The following ZNF462 variants were observed in gnomAD, a reference collection of about 807,000 sequenced individuals.
The protein encoded by ZNF462 is zinc finger protein 462.
ZNF462 carries 10 observed loss-of-function variants against 201.9 expected under a neutral mutation model. That is an observed-to-expected ratio of 0.05 (90% CI 0.03 to 0.08). ZNF462 has a LOEUF of 0.08. Among genes scored for constraint, ZNF462 ranks in the 10% least tolerant of loss-of-function variants. ZNF462 has a pLI of 1.00. For missense variants in ZNF462, 2,523 were observed against 3,168.3 expected (o/e 0.80, Z 4.89); for synonymous variants, 1,227 against 1,193.3 (o/e 1.03, Z -0.58).
At chr9:106,989,838 T>C (rs1371378692) in intron 10 of ZNF462, among the ~76,000 whole-genome samples, 10 of 152,186 alleles carry the variant, frequency 6.6e-5, no homozygotes, top group Admixed American at 5.9e-4. Flanking sequence ...AAGGTGTTCA[T>C]AGTAGCCTTG....
chr9:106,949,388 T>A (rs1831243845), intron 7 of ZNF462, among the ~76,000 whole-genome samples: 1 of 152,224 alleles, frequency 6.6e-6, no homozygotes, highest in South Asian at 2.1e-4. Context: ...AATTTATGTG[T>A]GAACAAGCCT....
At chr9:106,861,291 C>G (rs758329393), upstream of ZNF462, among the ~76,000 whole-genome samples, 1 of 152,004 alleles carries the variant, frequency 6.6e-6, no homozygotes. Flanking sequence ...GCCCCGCTAT[C>G]GGATGGGAAC....
At position 106,932,925 on chromosome 9, in the gene ZNF462, G is replaced by T; in HGVS notation, c.6116+376G>T. 1 of 322,850 alleles carries T rather than the reference G, an allele frequency of 3.1e-6. No homozygotes were observed. Among genetic ancestry groups the T allele is most frequent in the South Asian group, 3.4e-5 (1 of 29,666 alleles). 20.0% of individuals were successfully genotyped at this position (322,850 alleles called of 1,614,324 possible). On this transcript the variant is annotated intron_variant, in intron 5 of 12. Coordinates refer to ENST00000277225, the MANE Select transcript of ZNF462 (RefSeq NM_021224.6). This position sits in a 1 kb window ranked among gnomAD's most constrained non-coding sequence, Gnocchi z 6.8. Reference sequence around the variant, plus strand: ...TTTAGAAAACTGAGTTGCTAAAGAGGTAAAATTAGGACTATTAACCCATGT... The same window carrying T: ...TTTAGAAAACTGAGTTGCTAAAGAGTTAAAATTAGGACTATTAACCCATGT...
chr9:107,001,712 C>G (rs1348995459), intron 10 of ZNF462, among the ~76,000 whole-genome samples: 1 of 152,130 alleles, frequency 6.6e-6, no homozygotes, highest in African/African-American at 2.4e-5. Flanking sequence ...TAATTGACCT[C>G]TTTCTCCTCT....
chr9:106,974,060 G>C lies in ZNF462; in HGVS notation c.6696-77G>C. 1 of 1,587,944 alleles carries C rather than the reference G, an allele frequency of 6.3e-7. No homozygotes were observed. Among genetic ancestry groups the C allele is most frequent in the Middle Eastern group, 1.7e-4 (1 of 5,828 alleles). ...GAGCCGCACTTGGACATATATAACG[G>C]GTTTGCCAGCAGGAAATGTGAAAAT... On this transcript the variant is annotated intron_variant, in intron 8 of 12. Coordinates refer to ENST00000277225, the MANE Select transcript of ZNF462 (RefSeq NM_021224.6). This position sits in a 1 kb window ranked among gnomAD's most constrained non-coding sequence, Gnocchi z 4.0.
chr9:106,934,007 A>G lies in ZNF462; in HGVS notation c.6116+1458A>G, dbSNP rs540442629. On this transcript the variant is annotated intron_variant, in intron 5 of 12. Transcript: ENST00000277225. The stretch of plus-strand genomic sequence containing the variant: ...TTTAAATGCCAGGAAATAGTATTTC[A>G]TAATTTAAATTGCTGGTAAAAGGAA... Among the ~76,000 whole-genome samples, 63 of 152,346 alleles carry G rather than the reference A, an allele frequency of 4.1e-4. No homozygotes were observed. In the South Asian group the frequency reaches 9.7e-3, roughly 24 times the overall value.
At chr9:106,939,724 T>G (rs1035803911) in intron 7 of ZNF462, among the ~76,000 whole-genome samples, 1 of 152,298 alleles carries the variant, frequency 6.6e-6, no homozygotes, top group East Asian at 1.9e-4. Flanking sequence ...TCGCTAGCAA[T>G]GTGACCAAAG....
At chr9:106,996,013 TGTCCAAGTG>T (rs1828702555) in intron 10 of ZNF462, among the ~76,000 whole-genome samples, 1 of 152,178 alleles carries the variant, frequency 6.6e-6, no homozygotes, top group Non-Finnish European at 1.5e-5. Context: ...CCCCACCCTG[TGTCCAAGTG>T]GTCTCATTGT....
intron 10 of ZNF462, among the ~76,000 whole-genome samples, chr9:106,996,298 C>A (rs1450151564): frequency 6.6e-6 from 1 of 152,162 alleles, no homozygotes; most frequent in African/African-American, 2.4e-5. Context: ...GTCTTTATAG[C>A]AGCATGATTT....
intron 7 of ZNF462, among the ~76,000 whole-genome samples, chr9:106,958,968 A>G (rs1230609134): frequency 1.3e-5 from 2 of 152,120 alleles, no homozygotes; most frequent in Non-Finnish European, 2.9e-5. Context: ...TGAAAAGGAA[A>G]TAGACCCCAG....
At chr9:106,893,147 T>G (rs1161524707) in intron 1 of ZNF462, among the ~76,000 whole-genome samples, 3 of 152,182 alleles carry the variant, frequency 2.0e-5, no homozygotes, top group Non-Finnish European at 4.4e-5. Context: ...ATAAATGTGT[T>G]CTTCACAACA....
rs541063835 is a variant in ZNF462, at chr9:106,902,751, T to G, written c.-30-20603T>G. Among the ~76,000 whole-genome samples the G allele has an allele frequency of 1.3e-5, 2 of 152,294 alleles. No individual in the cohort carries two copies. The highest frequency in any genetic ancestry group is 4.8e-5 in the African/African-American group (2 of 41,572). On this transcript the variant is annotated intron_variant, in intron 1 of 12. Transcript: ENST00000277225. This position sits in a 1 kb window ranked among gnomAD's most constrained non-coding sequence, Gnocchi z 4.2. ...ACCTTGAATGATCTTTTTGTATTTC[T>G]GTGGTATCAGATGTAATATCACCTG...
intron 1 of ZNF462, among the ~76,000 whole-genome samples, chr9:106,907,422 A>G (rs1305902726): frequency 6.7e-6 from 1 of 149,254 alleles, no homozygotes; most frequent in African/African-American, 2.5e-5. Flanking sequence ...CTAGTCTTTC[A>G]TTGATATTGT....
Position 106,926,919 on chromosome 9 carries a change from A to G in ZNF462, c.3007A>G (p.Thr1003Ala), listed in dbSNP as rs748817011. 2 of 1,614,144 alleles carry G rather than the reference A, an allele frequency of 1.2e-6. No homozygotes were observed. Among genetic ancestry groups the G allele is most frequent in the Non-Finnish European group, 1.7e-6 (2 of 1,180,020 alleles). Reference protein sequence around the residue: ...PVARGGGLPATFNKNTPKTFT... With the variant: ...PVARGGGLPAAFNKNTPKTFT... ...GGCTCGTGGTGGTGGTTTGCCAGCT[A>G]CGTTCAACAAAAACACTCCTAAGAC... The change falls in exon 3 of 13, where the codon ACG (threonine) becomes GCG (alanine). Residue 1003 changes from threonine to alanine, a missense_variant. By Grantham distance (58) the Thr-to-Ala change is moderately conservative (BLOSUM62 0). This residue lies in a region of ZNF462 where 280 missense variants were observed against 321.3 expected (regional missense o/e 0.87). Transcript: ENST00000277225. This position sits in a 1 kb window ranked among gnomAD's most constrained non-coding sequence, Gnocchi z 7.9.
chr9:106,862,102 A>G (rs1827084641), upstream of ZNF462, among the ~76,000 whole-genome samples: 1 of 152,138 alleles, frequency 6.6e-6, no homozygotes, highest in South Asian at 2.1e-4. This position sits in a 1 kb window ranked among gnomAD's most constrained non-coding sequence, Gnocchi z 4.2. Context: ...CAGGAAAGAA[A>G]TAAAACGCAC....
intron 8 of ZNF462, among the ~76,000 whole-genome samples, chr9:106,973,353 G>T (rs965081755): frequency 1.3e-5 from 2 of 151,666 alleles, no homozygotes; most frequent in East Asian, 1.9e-4. Flanking sequence ...CACCAGCATC[G>T]TAGTAGCTGG....
At chr9:106,871,427 T>G (rs927294655) in intron 1 of ZNF462, among the ~76,000 whole-genome samples, 4 of 152,156 alleles carry the variant, frequency 2.6e-5, no homozygotes, top group Non-Finnish European at 4.4e-5. Context: ...AGTGACTGGT[T>G]GGATGGGAGA....
chr9:106,909,699 A>C (rs73668713), intron 1 of ZNF462, among the ~76,000 whole-genome samples: 11,809 of 152,150 alleles, frequency 0.078, 941 homozygotes, highest in African/African-American at 0.21. Context: ...CTGTCATCAA[A>C]TGTTACTGTG....
rs80333687 is a variant in ZNF462 at position 106,891,998 on chromosome 9, C to G, written c.-31+28643C>G. Among the ~76,000 whole-genome samples, 336 of 152,208 alleles carry G rather than the reference C, an allele frequency of 2.2e-3. 1 individual carries two copies. The highest frequency in any genetic ancestry group is 4.0e-3 in the Non-Finnish European group (275 of 68,012). On this transcript the variant is annotated intron_variant, in intron 1 of 12. Transcript: ENST00000277225. ...GTTAAATTCCATATTATACAAATTC[C>G]CTAATGACAAATAACCTATGCAATC...
Sources: gnomAD v4.1 joint callset for allele counts (sites outside exome capture counted in the v4.1 genomes callset) on GRCh38, gnomAD v4.1.1 for gene constraint, gnomAD v4.1.1 regional missense constraint, Gnocchi (gnomAD v3.1) non-coding constraint, MANE v1.5 for transcripts, NCBI Gene and HGNC (gene_info 2026-07-23, HGNC 2026-07-21) for gene names.